The following PPM1H variants were observed in gnomAD, a reference collection of about 807,000 sequenced individuals.
PPM1H encodes protein phosphatase 1H.
In PPM1H, 27 loss-of-function variants were observed where a neutral mutation model predicts 54.9. That is an observed-to-expected ratio of 0.49 (90% CI 0.36 to 0.68). The LOEUF (loss-of-function observed/expected upper bound fraction) is 0.68. PPM1H is among the 30% of genes least tolerant of loss of function. PPM1H has a pLI of 0.00. For missense variants in PPM1H, 596 were observed against 667.8 expected (o/e 0.89, Z 1.19); for synonymous variants, 305 against 270.8 (o/e 1.13, Z -1.24).
At chr12:62,690,261 C>T (rs187644625) in intron 7 of PPM1H, among the ~76,000 whole-genome samples, 94 of 152,300 alleles carry the variant, frequency 6.2e-4, no homozygotes, top group Non-Finnish European at 9.8e-4. Context: ...CAAGTATTTG[C>T]TCAACACCAG....
At chr12:62,794,037 CAA>C (rs1262150007) in intron 3 of PPM1H, among the ~76,000 whole-genome samples, 1 of 152,166 alleles carries the variant, frequency 6.6e-6, no homozygotes, top group Non-Finnish European at 1.5e-5. Context: ...GTGTCAGTCA[CAA>C]ATAATCAGAT....
intron 5 of PPM1H, among the ~76,000 whole-genome samples, chr12:62,721,217 C>A (rs1036835958): frequency 1.3e-5 from 2 of 152,200 alleles, no homozygotes; most frequent in African/African-American, 4.8e-5. Context: ...TCTCTTACAG[C>A]TACTTTGCTA....
intron 4 of PPM1H, among the ~76,000 whole-genome samples, chr12:62,770,665 C>T (rs1302040587): frequency 6.6e-6 from 1 of 151,954 alleles, no homozygotes; most frequent in African/African-American, 2.4e-5. Context: ...TCACAAAGAA[C>T]ATGACAAGGG....
chr12:62,789,274 A>T (rs1227232384), intron 3 of PPM1H, among the ~76,000 whole-genome samples: 1 of 152,188 alleles, frequency 6.6e-6, no homozygotes, highest in Non-Finnish European at 1.5e-5. Context: ...AGCCTCCCAA[A>T]GCACTGGGCC....
intron 8 of PPM1H, 98 bp from the exon 9 acceptor site, chr12:62,667,427 C>A: frequency 2.7e-6 from 3 of 1,126,548 alleles, no homozygotes; most frequent in South Asian, 3.3e-5. Flanking sequence ...TCCTGCCCAG[C>A]CTAGTGGTTT....
chr12:62,930,003 G>A (rs1159381592), intron 1 of PPM1H, among the ~76,000 whole-genome samples: 1 of 152,094 alleles, frequency 6.6e-6, no homozygotes, highest in Non-Finnish European at 1.5e-5. Context: ...GGTATGCCAG[G>A]AAAAGTTAGA....
intron 8 of PPM1H, among the ~76,000 whole-genome samples, chr12:62,668,941 A>C (rs2136614492): frequency 6.6e-6 from 1 of 152,328 alleles, no homozygotes; most frequent in South Asian, 2.1e-4. Flanking sequence ...ATGTTTACCC[A>C]CAGGGCCCTG....
At chr12:62,666,674 C>T (rs752899552) in intron 9 of PPM1H, among the ~76,000 whole-genome samples, 21 of 152,098 alleles carry the variant, frequency 1.4e-4, no homozygotes, top group African/African-American at 3.6e-4. Flanking sequence ...CTTGTATCTA[C>T]GTTCAACTTA....
intron 9 of PPM1H, among the ~76,000 whole-genome samples, chr12:62,650,504 T>C (rs753466529): frequency 5.9e-5 from 9 of 152,092 alleles, no homozygotes; most frequent in Non-Finnish European, 1.0e-4. Flanking sequence ...TATCTGAAAA[T>C]CGACATATTG....
At chr12:62,793,261 G>A (rs1321557311) in intron 3 of PPM1H, among the ~76,000 whole-genome samples, 2 of 152,142 alleles carry the variant, frequency 1.3e-5, no homozygotes, top group African/African-American at 4.8e-5. Context: ...CAATAGTCCT[G>A]AAGACCTTGC....
intron 1 of PPM1H, among the ~76,000 whole-genome samples, chr12:62,843,855 T>C (rs1339259679): frequency 1.3e-5 from 2 of 152,218 alleles, no homozygotes; most frequent in African/African-American, 4.8e-5. Context: ...ATACATCAAG[T>C]AGCCCTTTGA....
chr12:62,694,121 C>T (rs2270482), intron 6 of PPM1H, 122 bp from the exon 7 acceptor site: 113,867 of 796,438 alleles, frequency 0.14, 9,058 homozygotes, highest in Admixed American at 0.21. Context: ...CACTGACTAC[C>T]TCTTCCTTTA....
At chr12:62,651,255 C>T (rs118072357) in intron 9 of PPM1H, among the ~76,000 whole-genome samples, 42 of 152,302 alleles carry the variant, frequency 2.8e-4, no homozygotes, top group African/African-American at 6.7e-4. Flanking sequence ...CTTGTTACTA[C>T]GTCAGCACAT....
At chr12:62,683,369 C>A (rs911510530) in intron 8 of PPM1H, among the ~76,000 whole-genome samples, 1 of 152,024 alleles carries the variant, frequency 6.6e-6, no homozygotes, top group Non-Finnish European at 1.5e-5. Flanking sequence ...TTTGCTTTTC[C>A]TAACAACTTG....
intron 1 of PPM1H, among the ~76,000 whole-genome samples, chr12:62,854,786 A>G (rs544403626): frequency 1.1e-4 from 17 of 152,120 alleles, no homozygotes; most frequent in African/African-American, 4.1e-4. Context: ...AATGTTTGTC[A>G]CTCTCTTCTG....
At chr12:62,815,652 T>C (rs2076862205) in intron 2 of PPM1H, among the ~76,000 whole-genome samples, 1 of 152,182 alleles carries the variant, frequency 6.6e-6, no homozygotes, top group Non-Finnish European at 1.5e-5. Context: ...ACCTACCCCA[T>C]GCACTATTCT....
Position 62,745,323 on chromosome 12 carries a change from A to G in PPM1H, c.870-7737T>C, listed in dbSNP as rs190581143. On this transcript the variant is annotated intron_variant, in intron 4 of 9. Coordinates refer to ENST00000228705, the MANE Select transcript of PPM1H (RefSeq NM_020700.2). ...GCAATCCTCCCACCTCAGTCTCCCA[A>G]AGTGCTGGGATTACAGGCATGAGCC... Among the ~76,000 whole-genome samples, 17 of 152,178 alleles carry G rather than the reference A, an allele frequency of 1.1e-4. No homozygotes were observed. In the East Asian group the frequency reaches 3.1e-3, roughly 28 times the overall value.
intron 8 of PPM1H, among the ~76,000 whole-genome samples, chr12:62,685,620 C>T (rs2076046841): frequency 6.6e-6 from 1 of 152,086 alleles, no homozygotes; most frequent in Non-Finnish European, 1.5e-5. Context: ...CTGTAAAAAC[C>T]TTAATTTGTT....
At chr12:62,748,750 G>A (rs1349101989) in intron 4 of PPM1H, among the ~76,000 whole-genome samples, 1 of 152,200 alleles carries the variant, frequency 6.6e-6, no homozygotes, top group African/African-American at 2.4e-5. Flanking sequence ...ACATATATGT[G>A]AGTAATTGGT....
Sources: gnomAD v4.1 joint callset for allele counts (sites outside exome capture counted in the v4.1 genomes callset) on GRCh38, gnomAD v4.1.1 for gene constraint, MANE v1.5 for transcripts, NCBI Gene and HGNC (gene_info 2026-07-23, HGNC 2026-07-21) for gene names.